Variants in JAZF1 observed in about 807,000 individuals in gnomAD.
The protein encoded by JAZF1 is juxtaposed with another zinc finger protein 1.
A neutral mutation model predicts 26.4 loss-of-function variants in JAZF1; 8 were observed. The observed-to-expected ratio is 0.30, with a 90% CI of 0.18 to 0.55. The LOEUF is 0.55. Ranked by LOEUF, JAZF1 falls within the 20% of genes least tolerant of loss-of-function variation. The pLI, the probability that JAZF1 is intolerant of heterozygous loss-of-function variation, is 0.94. For synonymous variants in JAZF1, 126 were observed against 122.3 expected, an observed-to-expected ratio of 1.03 and a Z score of -0.20; for missense variants, 199 against 322.0, an observed-to-expected ratio of 0.62 and a Z score of 2.92.
chr7:28,060,755 T>C (rs967531952), intron 1 of JAZF1, among the ~76,000 whole-genome samples: 4 of 152,244 alleles, frequency 2.6e-5, no homozygotes, highest in Non-Finnish European at 4.4e-5. Context: ...TTGCTAATTA[T>C]ACAGTTCAAC....
At chr7:28,159,990 T>C (rs1383019821) in intron 1 of JAZF1, among the ~76,000 whole-genome samples, 2 of 152,144 alleles carry the variant, frequency 1.3e-5, no homozygotes, top group Non-Finnish European at 2.9e-5. Context: ...ACTTCATGAG[T>C]TTGATTTGCT....
intron 1 of JAZF1, among the ~76,000 whole-genome samples, chr7:28,095,022 C>A (rs116323346): frequency 0.021 from 3,255 of 152,242 alleles, 52 homozygotes; most frequent in Non-Finnish European, 0.032. Flanking sequence ...TTACCTGATA[C>A]CCACATGTAC....
At position 27,991,956 on chromosome 7, in the gene JAZF1, T is replaced by G; in HGVS notation, c.141A>C (p.Lys47Asn). Residue 47 changes from lysine to asparagine, a missense_variant, in exon 2 of 5, where the codon AAA becomes AAC. By Grantham distance (94) the Lys-to-Asn change is moderately conservative. Transcript: ENST00000283928. ...HIDTDPRVLEKQELQQPTYVA... is the reference protein window; with the variant it reads ...HIDTDPRVLENQELQQPTYVA... Reference sequence around the variant, plus strand: ...CATAGGTTGGCTGCTGTAATTCTTGTTTTTCTAAAACCCGTGGATCTGTAT... The same window carrying G: ...CATAGGTTGGCTGCTGTAATTCTTGGTTTTCTAAAACCCGTGGATCTGTAT... 6.2e-7 allele frequency: 1 copy of G among 1,606,872 alleles called. No homozygotes were observed. The highest frequency in any genetic ancestry group is 8.5e-7 in the Non-Finnish European group (1 of 1,174,418).
intron 1 of JAZF1, among the ~76,000 whole-genome samples, chr7:28,099,507 G>T (rs1253298895): frequency 6.6e-6 from 1 of 151,818 alleles, no homozygotes; most frequent in Non-Finnish European, 1.5e-5. Flanking sequence ...ACAGAGTTTC[G>T]CTCTTGTTGC....
chr7:28,129,653 T>C (rs1782756742), intron 1 of JAZF1, among the ~76,000 whole-genome samples: 1 of 152,220 alleles, frequency 6.6e-6, no homozygotes, highest in South Asian at 2.1e-4. Context: ...AGAAAAAGTC[T>C]GTATGTCTCT....
chr7:27,970,714 C>T (rs1324236915), intron 2 of JAZF1, among the ~76,000 whole-genome samples: 4 of 152,174 alleles, frequency 2.6e-5, no homozygotes, highest in African/African-American at 9.7e-5. Flanking sequence ...TTATTTAAGG[C>T]TTTATTAAAG....
intron 2 of JAZF1, among the ~76,000 whole-genome samples, chr7:27,898,712 A>G (rs988200344): frequency 1.3e-5 from 2 of 152,192 alleles, no homozygotes; most frequent in Non-Finnish European, 2.9e-5. Flanking sequence ...AGCTACAGAC[A>G]GCAATCTGGA....
At chr7:27,966,319 A>C (rs1256495302) in intron 2 of JAZF1, among the ~76,000 whole-genome samples, 1 of 152,176 alleles carries the variant, frequency 6.6e-6, no homozygotes, top group African/African-American at 2.4e-5. Flanking sequence ...TCTTTCTTAC[A>C]CCAGCCTTAC....
intron 1 of JAZF1, among the ~76,000 whole-genome samples, chr7:28,145,263 G>T (rs1338548404): frequency 8.5e-5 from 13 of 152,204 alleles, no homozygotes; most frequent in Non-Finnish European, 1.3e-4. Context: ...AAAAGTCTGT[G>T]AGTCAAGGTT....
intron 3 of JAZF1, among the ~76,000 whole-genome samples, chr7:27,890,880 C>T (rs1295321129): frequency 6.6e-6 from 1 of 151,538 alleles, no homozygotes; most frequent in Non-Finnish European, 1.5e-5. Flanking sequence ...ACCTCCACCT[C>T]CCAGGTTCAA....
At chr7:27,998,463 C>T (rs38521) in intron 1 of JAZF1, among the ~76,000 whole-genome samples, 91,828 of 152,006 alleles carry the variant, frequency 0.6, 29,574 homozygotes, top group African/African-American at 0.78. Context: ...TTGTTGGCAA[C>T]GGCCCTTTAA....
chr7:27,994,680 C>T (rs1785978924), intron 1 of JAZF1, among the ~76,000 whole-genome samples: 1 of 152,178 alleles, frequency 6.6e-6, no homozygotes, highest in African/African-American at 2.4e-5. Flanking sequence ...GCACTTGGTG[C>T]CCACAAATCA....
In JAZF1 at chr7:28,033,750, T is replaced by TA. The variant is rs34188454; in HGVS notation, c.116-41770_116-41769insT. Reference sequence around the variant, plus strand: ...GTGGTACTCTATGGGAACTCTTTTTTGGGGGGGCAATGGGAGGAGTCTCAC... The same window carrying TA: ...GTGGTACTCTATGGGAACTCTTTTTTAGGGGGGGCAATGGGAGGAGTCTCAC... On this transcript the variant is annotated intron_variant, in intron 1 of 4. Coordinates refer to ENST00000283928, the MANE Select transcript of JAZF1 (RefSeq NM_175061.4). 2.2e-3 allele frequency among the ~76,000 whole-genome samples: 333 copies of TA among 152,162 alleles called. 1 individual carries two copies. The highest frequency in any genetic ancestry group is 7.7e-3 in the African/African-American group (318 of 41,528).
intron 2 of JAZF1, among the ~76,000 whole-genome samples, chr7:27,985,130 C>T (rs958593970): frequency 2.7e-4 from 41 of 152,032 alleles, no homozygotes; most frequent in Non-Finnish European, 4.3e-4. Flanking sequence ...GATAGAGACA[C>T]AAAAACCCTT....
chr7:27,856,238 T>C (rs968802676), intron 3 of JAZF1, among the ~76,000 whole-genome samples: 1 of 152,202 alleles, frequency 6.6e-6, no homozygotes, highest in African/African-American at 2.4e-5. Context: ...GCTGCAGACC[T>C]TCGCGGTGAG....
intron 1 of JAZF1, among the ~76,000 whole-genome samples, chr7:28,110,583 A>G (rs10227461): frequency 0.58 from 54,879 of 94,212 alleles, 17,711 homozygotes; most frequent in Non-Finnish European, 0.68. Flanking sequence ...GAAAGGGAAA[A>G]GGAAAAGGAA....
At chr7:27,912,202 T>C (rs1432889145) in intron 2 of JAZF1, among the ~76,000 whole-genome samples, 1 of 152,240 alleles carries the variant, frequency 6.6e-6, no homozygotes, top group African/African-American at 2.4e-5. Context: ...AACTCTAACA[T>C]TGGTACCCGC....
At chr7:27,860,307 A>C (rs1783356560) in intron 3 of JAZF1, among the ~76,000 whole-genome samples, 2 of 152,328 alleles carry the variant, frequency 1.3e-5, no homozygotes, top group South Asian at 4.1e-4. Flanking sequence ...CATTTCACTT[A>C]AAGTGAAAAT....
At chr7:28,116,966 G>C (rs1013890946) in intron 1 of JAZF1, among the ~76,000 whole-genome samples, 1 of 152,148 alleles carries the variant, frequency 6.6e-6, no homozygotes, top group African/African-American at 2.4e-5. Flanking sequence ...TGGGATTACA[G>C]ACATGCACCA....
Sources: allele counts gnomAD v4.1 joint callset (sites outside exome capture counted in the v4.1 genomes callset), GRCh38; gene constraint gnomAD v4.1.1; transcripts MANE v1.5; gene names NCBI Gene and HGNC (gene_info 2026-07-23, HGNC 2026-07-21).